Variants in SH3D19 observed in about 807,000 individuals in gnomAD.
SH3D19 encodes the protein SH3 domain-containing protein 19.
A neutral mutation model predicts 112.1 loss-of-function variants in SH3D19; 58 were observed. The ratio of observed to expected loss-of-function variants is 0.52; its 90% CI spans 0.42 to 0.64. SH3D19 has a LOEUF of 0.64. Ranked by LOEUF, SH3D19 falls within the 30% of genes least tolerant of loss-of-function variation. The pLI, the probability that SH3D19 is intolerant of heterozygous loss-of-function variation, is 0.00. For missense variants in SH3D19, 1,090 were observed against 1,263.4 expected (o/e 0.86, Z 2.08); for synonymous variants, 391 against 448.5 (o/e 0.87, Z 1.62).
At chr4:151,161,283 A>C (rs1377143036) in intron 8 of SH3D19, among the ~76,000 whole-genome samples, 1 of 152,216 alleles carries the variant, frequency 6.6e-6, no homozygotes, top group African/African-American at 2.4e-5. Flanking sequence ...TGACAGGTTC[A>C]AATAAGATCA....
intron 8 of SH3D19, 45 bp downstream of exon 8, chr4:151,165,544 C>G: frequency 2.1e-6 from 3 of 1,414,132 alleles, no homozygotes; most frequent in Non-Finnish European, 3.0e-6. Flanking sequence ...TATATTTCTC[C>G]CAGCCTCTTG....
chr4:151,122,060 T>C lies in SH3D19; in HGVS notation c.*31A>G, dbSNP rs1178227780. 5 of 1,120,004 alleles carry C rather than the reference T, an allele frequency of 4.5e-6. No homozygotes were observed. The highest frequency in any genetic ancestry group is 6.7e-6 in the Non-Finnish European group (5 of 741,134). The allele number at this position is 1,120,004 out of a possible 1,614,324, so 69.4% of individuals were successfully genotyped here. On this transcript the variant is annotated 3_prime_UTR_variant, in exon 20 of 20. Transcript: ENST00000604030. ...TCAAGGTGATAGTTCAAGTGAGTTC[T>C]TGTGCCAAGGAACACAGACAAGCTT...
chr4:151,261,814 T>C (rs1037423014), intron 1 of SH3D19, among the ~76,000 whole-genome samples: 7 of 152,182 alleles, frequency 4.6e-5, no homozygotes, highest in Non-Finnish European at 8.8e-5. Context: ...ATAGTTCTGT[T>C]CAGTCTGAGA....
Position 151,122,066 on chromosome 4 carries a change from C to A in SH3D19, c.*25G>T. On this transcript the variant is annotated 3_prime_UTR_variant, in exon 20 of 20. Transcript: ENST00000604030. ...TGATAGTTCAAGTGAGTTCTTGTGC[C>A]AAGGAACACAGACAAGCTTCTCCTC... 8.3e-7 allele frequency: 1 copy of A among 1,198,012 alleles called. No homozygotes were observed. The highest frequency in any genetic ancestry group is 1.3e-5 in the South Asian group (1 of 79,082). The allele number at this position is 1,198,012 out of a possible 1,614,324, so 74.2% of individuals were successfully genotyped here.
intron 9 of SH3D19, among the ~76,000 whole-genome samples, chr4:151,152,044 A>C (rs1051347958): frequency 6.6e-6 from 1 of 152,198 alleles, no homozygotes; most frequent in Admixed American, 6.5e-5. Context: ...ACATCTTTTT[A>C]ATTTCTTAAT....
intron 2 of SH3D19, among the ~76,000 whole-genome samples, chr4:151,209,850 G>T (rs1029175285): frequency 2.0e-5 from 3 of 152,106 alleles, no homozygotes; most frequent in African/African-American, 4.8e-5. Flanking sequence ...ATTAGTACAA[G>T]ACCCCTTTTG....
chr4:151,226,092 G>A lies in SH3D19; in HGVS notation c.113-6C>T. 8.1e-7 allele frequency: 1 copy of A among 1,231,764 alleles called. No individual in the cohort carries two copies. The highest frequency in any genetic ancestry group is 1.0e-6 in the Non-Finnish European group (1 of 987,672). The allele number at this position is 1,231,764 out of a possible 1,614,324, so 76.3% of individuals were successfully genotyped here. A position where few individuals can be genotyped will look rare whatever the true frequency, so the allele number is the denominator to read the frequency against. On this transcript the variant is annotated splice_polypyrimidine_tract_variant and splice_region_variant and intron_variant, in intron 1 of 19. Transcript: ENST00000604030. ...TTTATTTCGTTCGTTGCGATCTGTAGAGAAAGAAGATGGTTACGTGTCAAA... is the reference window on the plus strand; with the variant it reads ...TTTATTTCGTTCGTTGCGATCTGTAAAGAAAGAAGATGGTTACGTGTCAAA...
chr4:151,223,068 A>ATAT (rs1346415874), intron 2 of SH3D19, among the ~76,000 whole-genome samples: 1 of 149,652 alleles, frequency 6.7e-6, no homozygotes, highest in Non-Finnish European at 1.5e-5. Context: ...ACTAGTGATA[A>ATAT]TATACATGTT....
chr4:151,316,607 TC>T (rs1181638415), intron 1 of SH3D19, among the ~76,000 whole-genome samples: 3 of 152,182 alleles, frequency 2.0e-5, no homozygotes, highest in Admixed American at 6.5e-5. Flanking sequence ...TCATTTTTTT[TC>T]CCTTGGTATA....
chr4:151,249,031 G>T (rs1008806892), intron 1 of SH3D19, among the ~76,000 whole-genome samples: 8 of 152,082 alleles, frequency 5.3e-5, no homozygotes, highest in African/African-American at 1.9e-4. Flanking sequence ...ACATTTAAGT[G>T]CATATTGCAA....
intron 1 of SH3D19, among the ~76,000 whole-genome samples, chr4:151,286,495 G>C (rs1774801266): frequency 6.6e-6 from 1 of 150,658 alleles, no homozygotes; most frequent in Non-Finnish European, 1.5e-5. Context: ...TAACTAAGAT[G>C]ATATGGACAA....
intron 7 of SH3D19, chr4:151,170,524 T>C (rs1445200828): frequency 6.6e-6 from 1 of 152,194 alleles, no homozygotes; most frequent in East Asian, 1.9e-4. Flanking sequence ...TTTGAATTTA[T>C]CTAATTTAGG....
chr4:151,234,479 A>T (rs1769853096), intron 1 of SH3D19, among the ~76,000 whole-genome samples: 1 of 152,114 alleles, frequency 6.6e-6, no homozygotes, highest in East Asian at 1.9e-4. Flanking sequence ...GGGGAGCGGC[A>T]AGGGAAGCTG....
chr4:151,253,927 G>A (rs1390637205), intron 1 of SH3D19, among the ~76,000 whole-genome samples: 1 of 152,182 alleles, frequency 6.6e-6, no homozygotes, highest in Non-Finnish European at 1.5e-5. Context: ...AAACAAATGA[G>A]GTTTCCTGGA....
chr4:151,255,988 T>C (rs66559303), intron 1 of SH3D19, among the ~76,000 whole-genome samples: 49,766 of 141,350 alleles, frequency 0.35, 10,082 homozygotes, highest in Middle Eastern at 0.45. Context: ...TGGCTCAGCA[T>C]GAGAGGGAGA....
At chr4:151,313,399 T>TTATA (rs1336347938) in intron 1 of SH3D19, among the ~76,000 whole-genome samples, 113 of 142,314 alleles carry the variant, frequency 7.9e-4, no homozygotes, top group African/African-American at 2.7e-3. Context: ...TCTGCATATT[T>TTATA]TATGTATTTA....
At chr4:151,192,987 C>A (rs1762876688) in intron 2 of SH3D19, among the ~76,000 whole-genome samples, 1 of 150,334 alleles carries the variant, frequency 6.7e-6, no homozygotes, top group South Asian at 2.1e-4. Flanking sequence ...TCACACATTC[C>A]TGTCTTGACT....
chr4:151,213,103 CCTT>C (rs1187484031), intron 2 of SH3D19, among the ~76,000 whole-genome samples: 4 of 152,192 alleles, frequency 2.6e-5, no homozygotes, highest in Non-Finnish European at 5.9e-5. Flanking sequence ...ATGAGGAGTT[CCTT>C]CTTCTGGATG....
chr4:151,278,070 A>C (rs1424917297), intron 1 of SH3D19, among the ~76,000 whole-genome samples: 2 of 152,156 alleles, frequency 1.3e-5, no homozygotes, highest in African/African-American at 2.4e-5. Flanking sequence ...ATGCTGAGAG[A>C]GCAAAAAACT....
Sources: gnomAD v4.1 joint callset for allele counts (sites outside exome capture counted in the v4.1 genomes callset) on GRCh38, gnomAD v4.1.1 for gene constraint, MANE v1.5 for transcripts, NCBI Gene and HGNC (gene_info 2026-07-23, HGNC 2026-07-21) for gene names.